OTUD4: variants seen among roughly 807,000 people sequenced by gnomAD.
The protein encoded by OTUD4 is OTU domain-containing protein 4.
Under a neutral mutation model 130.4 loss-of-function variants are expected in OTUD4, and 24 were observed. The ratio of observed to expected loss-of-function variants is 0.18; its 90% CI spans 0.13 to 0.26. The LOEUF is 0.26. Ranked by LOEUF, OTUD4 falls within the 10% of genes least tolerant of loss-of-function variation. The pLI, the probability that OTUD4 is intolerant of heterozygous loss-of-function variation, is 1.00. For missense variants in OTUD4, 1,031 were observed against 1,329.4 expected (o/e 0.78, Z 3.49); for synonymous variants, 420 against 472.5 (o/e 0.89, Z 1.44).
intron 1 of OTUD4, among the ~76,000 whole-genome samples, chr4:145,177,271 T>C (rs1458372639): frequency 1.3e-5 from 2 of 152,236 alleles, no homozygotes; most frequent in Non-Finnish European, 2.9e-5. Flanking sequence ...TAAAGCTTAT[T>C]TTCAATCAAA....
chr4:145,152,655 T>G lies in OTUD4; in HGVS notation c.874-20A>C, dbSNP rs963755099. On this transcript the variant is annotated intron_variant, in intron 10 of 20. Coordinates refer to ENST00000447906, the MANE Select transcript of OTUD4 (RefSeq NM_001366057.1). ...CCTAACCTGTTAAAAATTCCAAAAA[T>G]GAAAAGGAAAAAAAAAATCAGTCAC... is the stretch of plus-strand genomic sequence containing the variant. The G allele has an allele frequency of 4.2e-6, 6 of 1,414,962 alleles. No homozygotes were observed. In the Admixed American group the frequency reaches 5.7e-5, roughly 14 times the overall value. 87.7% of individuals were successfully genotyped at this position (1,414,962 alleles called of 1,614,324 possible). A position where few individuals can be genotyped will look rare whatever the true frequency, so the allele number is the denominator to read the frequency against.
intron 1 of OTUD4, chr4:145,179,503 A>C (rs2126819673): frequency 1.4e-6 from 1 of 713,190 alleles, no homozygotes; most frequent in Non-Finnish European, 1.9e-6. Context: ...AAAAAATATC[A>C]TGTCGCCAGG....
chr4:145,171,864 A>C (rs1371283346), intron 2 of OTUD4, 144 bp from the exon 3 acceptor site: 2 of 619,038 alleles, frequency 3.2e-6, no homozygotes, highest in Non-Finnish European at 5.8e-6. Flanking sequence ...ATATGTACAT[A>C]ATCTAATTAT....
chr4:145,174,894 T>C (rs1752346816), intron 1 of OTUD4, 150 bp from the exon 2 acceptor site: 1 of 588,766 alleles, frequency 1.7e-6, no homozygotes, highest in Non-Finnish European at 3.1e-6. Context: ...CTTTACTCAT[T>C]CCTACCTCTT....
At chr4:145,170,334 ACTT>A (rs1001125094) in intron 3 of OTUD4, among the ~76,000 whole-genome samples, 3 of 152,030 alleles carry the variant, frequency 2.0e-5, no homozygotes, top group African/African-American at 7.2e-5. Flanking sequence ...CTTTCTCACC[ACTT>A]CTTATCTTCA....
chr4:145,147,658 A>G (rs2126754974), intron 13 of OTUD4, among the ~76,000 whole-genome samples: 1 of 152,308 alleles, frequency 6.6e-6, no homozygotes. Context: ...CATATATGGC[A>G]ATCTTGCTTG....
Position 145,138,411 on chromosome 4 carries a change from C to T in OTUD4, c.2364G>A (p.Pro788=), listed in dbSNP as rs137890414. The change falls in exon 21 of 21, where the codon CCG becomes CCA. Residue 788 remains proline (P), a synonymous_variant. Transcript: ENST00000447906. ...GGATAACCAGAGGTGAAGAAAATGT[C>T]GGCGGTCCAATCTCTGGCTGTGGCA... is the stretch of plus-strand genomic sequence containing the variant. ...GQMPQPEIGP[P]TFSSPLVIPP... is the part of the protein sequence containing the mutation. 1.4e-5 allele frequency: 22 copies of T among 1,614,030 alleles called. No individual in the cohort carries two copies. Among genetic ancestry groups the T allele is most frequent in the South Asian group, 3.3e-5 (3 of 91,062 alleles).
At chr4:145,141,297 A>T (rs1277815428) in intron 19 of OTUD4, 82 bp downstream of exon 19, 5 of 1,178,434 alleles carry the variant, frequency 4.2e-6, no homozygotes, top group Non-Finnish European at 5.7e-6. Context: ...CAGACCTCTG[A>T]CCTCTACTTA....
chr4:145,142,211 T>C lies in OTUD4; in HGVS notation c.1807A>G (p.Thr603Ala), dbSNP rs142916707. 5 of 1,613,830 alleles carry C rather than the reference T, an allele frequency of 3.1e-6. No individual in the cohort carries two copies. Among genetic ancestry groups the C allele is most frequent in the Admixed American group, 3.3e-5 (2 of 59,990 alleles). Reference sequence around the variant, plus strand: ...CTTCTCTAACCTGTTGGTCCAAAAGTTGTAGGTTCACTTGGCCAGGCTGGC... The same window carrying C: ...CTTCTCTAACCTGTTGGTCCAAAAGCTGTAGGTTCACTTGGCCAGGCTGGC... ...TVPAWPSEPT[T>A]FGPTGVPAPI... The change falls in exon 18 of 21, where the codon ACT becomes GCT. Residue 603 changes from threonine to alanine, a missense_variant. Transcript: ENST00000447906.
At chr4:145,148,496 T>C (rs1750921880) in intron 13 of OTUD4, among the ~76,000 whole-genome samples, 2 of 147,388 alleles carry the variant, frequency 1.4e-5, no homozygotes, top group Admixed American at 1.4e-4. Context: ...TGAAACTCCG[T>C]CTCAAAAAAA....
chr4:145,138,798 G>A (rs1226725714), intron 20 of OTUD4, 148 bp from the exon 21 acceptor site: 3 of 656,628 alleles, frequency 4.6e-6, no homozygotes. Context: ...AAATCACTGT[G>A]ATAACCAACG....
Position 145,141,585 on chromosome 4 carries a change from G to A in OTUD4, c.1877C>T (p.Pro626Leu), listed in dbSNP as rs1306183764. 1 of 1,594,340 alleles carries A rather than the reference G, an allele frequency of 6.3e-7. No individual in the cohort carries two copies. Among genetic ancestry groups the A allele is most frequent in the Non-Finnish European group, 8.6e-7 (1 of 1,169,242 alleles). ...LSVTQTLTTG[P>L]DSAVSQAHLT... ...ATGAGCTTGGGATACAGCTGAATCA[G>A]GTCCAGTGGTCAAAGTCTGTGTCAC... The change falls in exon 19 of 21, where the codon CCT becomes CTT. Residue 626 changes from proline (P) to leucine (L), a missense_variant. By Grantham distance (98) the Pro-to-Leu change is moderately conservative. Transcript: ENST00000447906.
intron 15 of OTUD4, 32 bp downstream of exon 15, chr4:145,144,279 A>G: frequency 6.3e-7 from 1 of 1,596,978 alleles, no homozygotes; most frequent in Non-Finnish European, 8.5e-7. Flanking sequence ...AGAGATCTCT[A>G]GCATCTGCTT....
At chr4:145,139,891 T>C in intron 20 of OTUD4, 60 bp downstream of exon 20, 1 of 550,522 alleles carries the variant, frequency 1.8e-6, no homozygotes, top group Non-Finnish European at 3.2e-6. Flanking sequence ...TTAACACTAG[T>C]AATAATTTAA....
At chr4:145,166,093 A>G (rs893531856) in intron 3 of OTUD4, among the ~76,000 whole-genome samples, 2 of 151,840 alleles carry the variant, frequency 1.3e-5, no homozygotes, top group African/African-American at 4.8e-5. Context: ...CCCAGGAAGC[A>G]GAGGTTGCAG....
chr4:145,157,480 G>C (rs1314173816), intron 7 of OTUD4, among the ~76,000 whole-genome samples: 1 of 152,126 alleles, frequency 6.6e-6, no homozygotes, highest in Non-Finnish European at 1.5e-5. Flanking sequence ...CCTGAGTTCA[G>C]GAGTTCGAGA....
chr4:145,143,381 G>A lies in OTUD4; in HGVS notation c.1667C>T (p.Pro556Leu), dbSNP rs760455482. Residue 556 changes from proline (P) to leucine (L), a missense_variant, in exon 17 of 21, where the codon CCT becomes CTT. By Grantham distance (98) the Pro-to-Leu change is moderately conservative. Transcript: ENST00000447906. ...SPSKSKKLEC[P>L]SPAEQKPAEH... ...TATACTTACTTGTTCCGCAGGAGAA[G>A]GGCACTCTAACTTCTTTGACTTTGA... 6.2e-7 allele frequency: 1 copy of A among 1,603,792 alleles called. No homozygotes were observed.
chr4:145,157,684 C>CAAAAAA (rs923938636), intron 7 of OTUD4, among the ~76,000 whole-genome samples: 20 of 44,014 alleles, frequency 4.5e-4, no homozygotes, highest in Non-Finnish European at 7.6e-4. Context: ...AACTCCGTCT[C>CAAAAAA]AAAAAAAAAA....
In OTUD4 at chr4:145,155,849, C is replaced by T. The variant is rs1008028027; in HGVS notation, c.690+87G>A. On this transcript the variant is annotated intron_variant, in intron 8 of 20. Transcript: ENST00000447906. Reference sequence around the variant, plus strand: ...ATGATCCTGACTTGACTGAAATGTACCAGAAAAAAGAAAAAAATTAAGATT... The same window carrying T: ...ATGATCCTGACTTGACTGAAATGTATCAGAAAAAAGAAAAAAATTAAGATT... 22 of 1,168,738 alleles carry T rather than the reference C, an allele frequency of 1.9e-5. No homozygotes were observed. In the Middle Eastern group the frequency reaches 1.2e-3, roughly 64 times the overall value. 72.4% of individuals were successfully genotyped at this position (1,168,738 alleles called of 1,614,324 possible).
Sources: gnomAD v4.1 joint callset for allele counts (sites outside exome capture counted in the v4.1 genomes callset) on GRCh38, gnomAD v4.1.1 for gene constraint, MANE v1.5 for transcripts, NCBI Gene and HGNC (gene_info 2026-07-23, HGNC 2026-07-21) for gene names.